Variants in NRG3 observed in about 807,000 individuals in gnomAD.
NRG3 encodes the protein pro-neuregulin-3, membrane-bound isoform.
In NRG3, 31 loss-of-function variants were observed where a neutral mutation model predicts 66.9. The observed-to-expected ratio is 0.46, with a 90% CI of 0.35 to 0.63. The LOEUF is 0.63. Among genes scored for constraint, NRG3 ranks in the 20% least tolerant of loss-of-function variants. The pLI is 0.00. For synonymous variants in NRG3, 393 were observed against 359.4 expected (o/e 1.09, Z -1.06); for missense variants, 910 against 878.9 (o/e 1.04, Z -0.45).
chr10:82,018,755 A>T (rs2061911146), intron 1 of NRG3, among the ~76,000 whole-genome samples: 3 of 152,048 alleles, frequency 2.0e-5, no homozygotes, highest in African/African-American at 7.2e-5. Flanking sequence ...TTGGTGTATA[A>T]GAATGCTTGT....
chr10:82,913,464 A>AT (rs1845526018), intron 4 of NRG3, among the ~76,000 whole-genome samples: 1 of 152,000 alleles, frequency 6.6e-6, no homozygotes, highest in Admixed American at 6.6e-5. Flanking sequence ...AAGGCTTAAC[A>AT]TTTTTTGCAA....
chr10:82,745,047 A>C (rs1159795768), intron 3 of NRG3, among the ~76,000 whole-genome samples: 2 of 152,322 alleles, frequency 1.3e-5, no homozygotes, highest in Admixed American at 1.3e-4. Context: ...GTAAAAATGC[A>C]TGAAGAAGTA....
intron 2 of NRG3, among the ~76,000 whole-genome samples, chr10:82,638,941 G>A (rs1023933159): frequency 3.9e-5 from 6 of 152,088 alleles, no homozygotes; most frequent in South Asian, 2.1e-4. Context: ...CACTGTGCCC[G>A]GCCACATATT....
At chr10:82,424,227 T>C (rs915681268) in intron 2 of NRG3, among the ~76,000 whole-genome samples, 10 of 152,030 alleles carry the variant, frequency 6.6e-5, no homozygotes, top group Non-Finnish European at 1.2e-4. Flanking sequence ...AACTGTTTTC[T>C]GTTTTGCAAA....
intron 1 of NRG3, among the ~76,000 whole-genome samples, chr10:82,067,144 T>G (rs1490973841): frequency 3.6e-4 from 55 of 152,216 alleles, no homozygotes; most frequent in Non-Finnish European, 1.0e-4. Flanking sequence ...GTGGAGCACT[T>G]CTATTTCATT....
At chr10:82,705,608 T>C (rs2056230873) in intron 2 of NRG3, among the ~76,000 whole-genome samples, 1 of 152,316 alleles carries the variant, frequency 6.6e-6, no homozygotes, top group Non-Finnish European at 1.5e-5. Flanking sequence ...TCTCAGAAGA[T>C]ATTAATCAAT....
At chr10:82,702,068 CA>C (rs2055924285) in intron 2 of NRG3, among the ~76,000 whole-genome samples, 1 of 152,148 alleles carries the variant, frequency 6.6e-6, no homozygotes. Flanking sequence ...GTCTGTGAAG[CA>C]GCAGGAGGAA....
At chr10:82,972,505 A>T (rs915878834) in intron 6 of NRG3, among the ~76,000 whole-genome samples, 3 of 152,146 alleles carry the variant, frequency 2.0e-5, no homozygotes, top group Admixed American at 1.3e-4. Flanking sequence ...TTCGGTTAGA[A>T]CTATTTCTTT....
At chr10:81,954,810 C>T (rs975763741) in intron 1 of NRG3, among the ~76,000 whole-genome samples, 1 of 152,138 alleles carries the variant, frequency 6.6e-6, no homozygotes, top group Non-Finnish European at 1.5e-5. Flanking sequence ...CACAAGCAGT[C>T]CTGCTCATAT....
At chr10:82,434,928 G>A (rs549420335) in intron 2 of NRG3, among the ~76,000 whole-genome samples, 19 of 152,146 alleles carry the variant, frequency 1.2e-4, no homozygotes, top group Admixed American at 9.2e-4. Flanking sequence ...GTGTCTTCCC[G>A]GTTTTGGTAT....
At chr10:82,562,840 A>C (rs2045142197) in intron 2 of NRG3, among the ~76,000 whole-genome samples, 1 of 151,654 alleles carries the variant, frequency 6.6e-6, no homozygotes, top group Non-Finnish European at 1.5e-5. Flanking sequence ...GGGAGGGGAC[A>C]CAGAGTGGGT....
intron 3 of NRG3, among the ~76,000 whole-genome samples, chr10:82,808,038 G>GT (rs1305793284): frequency 6.6e-6 from 1 of 151,608 alleles, no homozygotes; most frequent in Non-Finnish European, 1.5e-5. Flanking sequence ...TCCCATTATC[G>GT]TAAGGGGGTA....
intron 4 of NRG3, among the ~76,000 whole-genome samples, chr10:82,913,556 C>T (rs1009811937): frequency 2.0e-5 from 3 of 152,116 alleles, no homozygotes; most frequent in African/African-American, 7.2e-5. Flanking sequence ...GATTAAATTT[C>T]ACTGGCTACA....
chr10:82,902,379 CT>C (rs993872223), intron 4 of NRG3, among the ~76,000 whole-genome samples: 1 of 150,984 alleles, frequency 6.6e-6, no homozygotes, highest in Non-Finnish European at 1.5e-5. Context: ...TGCAGCATTT[CT>C]TTTTTTTTGA....
chr10:82,309,996 A>C (rs1248040509), intron 1 of NRG3, among the ~76,000 whole-genome samples: 2 of 151,352 alleles, frequency 1.3e-5, no homozygotes, highest in East Asian at 3.9e-4. Flanking sequence ...CCCCAACCAC[A>C]CTCCCCTTCC....
rs548223215 is a variant in NRG3 at position 82,412,733 on chromosome 10, C to T, written c.953+53865C>T. ...AAATTGGAGTCAATCCTCTCAACTACTGCCACTACTTTATCAAATAAGTTT... is the reference window on the plus strand; with the variant it reads ...AAATTGGAGTCAATCCTCTCAACTATTGCCACTACTTTATCAAATAAGTTT... On this transcript the variant is annotated intron_variant, in intron 2 of 8. Transcript: ENST00000372141. Among the ~76,000 whole-genome samples the T allele has an allele frequency of 5.3e-5, 8 of 152,334 alleles. No individual in the cohort carries two copies. In the East Asian group the frequency reaches 1.5e-3, roughly 29 times the overall value.
intron 2 of NRG3, among the ~76,000 whole-genome samples, chr10:82,404,456 T>C (rs186104286): frequency 6.6e-6 from 1 of 152,310 alleles, no homozygotes; most frequent in East Asian, 1.9e-4. Context: ...AGGCACAGCC[T>C]TGCCAAAGTT....
intron 1 of NRG3, among the ~76,000 whole-genome samples, chr10:82,037,157 C>T (rs779953550): frequency 6.6e-6 from 1 of 152,174 alleles, no homozygotes. Context: ...ACAGACATCA[C>T]TTCTTCATCT....
intron 4 of NRG3, among the ~76,000 whole-genome samples, chr10:82,882,637 T>C (rs1842405053): frequency 6.6e-6 from 1 of 152,180 alleles, no homozygotes; most frequent in Admixed American, 6.5e-5. Flanking sequence ...CACACCACTT[T>C]TGCCATATCT....
Sources: gnomAD v4.1 joint callset for allele counts (sites outside exome capture counted in the v4.1 genomes callset) on GRCh38, gnomAD v4.1.1 for gene constraint, MANE v1.5 for transcripts, NCBI Gene and HGNC (gene_info 2026-07-23, HGNC 2026-07-21) for gene names.